Variants in NPAS3 observed in about 807,000 individuals in gnomAD.
NPAS3 encodes the protein neuronal PAS domain-containing protein 3.
Under a neutral mutation model 73.1 loss-of-function variants are expected in NPAS3, and 14 were observed. The ratio of observed to expected loss-of-function variants is 0.19; its 90% CI spans 0.13 to 0.30. NPAS3 has a LOEUF of 0.30. Among genes scored for constraint, NPAS3 ranks in the 10% least tolerant of loss-of-function variants. The pLI is 1.00. For synonymous variants in NPAS3, 620 were observed against 541.5 expected, an observed-to-expected ratio of 1.14 and a Z score of -2.01; for missense variants, 1,096 against 1,250.0, an observed-to-expected ratio of 0.88 and a Z score of 1.86.
intron 3 of NPAS3, among the ~76,000 whole-genome samples, chr14:33,324,170 G>A (rs17100653): frequency 0.018 from 2,717 of 152,204 alleles, 59 homozygotes; most frequent in African/African-American, 0.054. Context: ...GTCTGCCAGT[G>A]GAGCATTTGC....
At chr14:33,130,082 G>GT (rs1396091557) in intron 2 of NPAS3, among the ~76,000 whole-genome samples, 2 of 152,218 alleles carry the variant, frequency 1.3e-5, no homozygotes, top group African/African-American at 2.4e-5. Flanking sequence ...ATGTGTTAAC[G>GT]TTTTTTCTGG....
At chr14:33,434,729 A>G (rs540987378) in intron 4 of NPAS3, among the ~76,000 whole-genome samples, 10 of 152,362 alleles carry the variant, frequency 6.6e-5, no homozygotes, top group African/African-American at 2.2e-4. Flanking sequence ...ATGAGTTTTT[A>G]ACAGAAATAT....
At chr14:33,293,515 A>G (rs2042179933) in intron 3 of NPAS3, among the ~76,000 whole-genome samples, 1 of 152,204 alleles carries the variant, frequency 6.6e-6, no homozygotes, top group African/African-American at 2.4e-5. Flanking sequence ...AAAAGAGGGG[A>G]AAGAAAACAC....
intron 5 of NPAS3, among the ~76,000 whole-genome samples, chr14:33,600,461 G>A (rs1056318700): frequency 3.3e-5 from 5 of 152,018 alleles, no homozygotes; most frequent in Admixed American, 6.5e-5. Context: ...TCTGTGCTTG[G>A]CATAGATTTG....
intron 1 of NPAS3, among the ~76,000 whole-genome samples, chr14:33,022,521 TG>T (rs1566475274): frequency 6.6e-6 from 1 of 151,574 alleles, no homozygotes; most frequent in Non-Finnish European, 1.5e-5. Flanking sequence ...AAAAAGTAGC[TG>T]GGCGTGGTGG....
At chr14:33,730,776 A>C (rs2061378932) in intron 6 of NPAS3, among the ~76,000 whole-genome samples, 1 of 152,246 alleles carries the variant, frequency 6.6e-6, no homozygotes, top group South Asian at 2.1e-4. Context: ...CAAGGCTGAC[A>C]GCATATGCCA....
intron 1 of NPAS3, among the ~76,000 whole-genome samples, chr14:33,043,758 T>G (rs2040417254): frequency 2.0e-5 from 3 of 151,992 alleles, no homozygotes; most frequent in African/African-American, 7.2e-5. Flanking sequence ...CAATTCCAGT[T>G]AATAATCAGA....
At chr14:32,996,519 C>A (rs2139523723) in intron 1 of NPAS3, among the ~76,000 whole-genome samples, 1 of 152,256 alleles carries the variant, frequency 6.6e-6, no homozygotes, top group South Asian at 2.1e-4. Flanking sequence ...GTGAGCCGGG[C>A]CCCGGGTCCC....
intron 1 of NPAS3, among the ~76,000 whole-genome samples, chr14:32,981,395 C>A (rs909329240): frequency 6.6e-6 from 1 of 152,140 alleles, no homozygotes; most frequent in East Asian, 1.9e-4. Flanking sequence ...AGACAGTGAT[C>A]TTTGAGTCCA....
At chr14:33,683,691 C>G (rs1273915826) in intron 6 of NPAS3, among the ~76,000 whole-genome samples, 3 of 152,210 alleles carry the variant, frequency 2.0e-5, no homozygotes, top group Non-Finnish European at 2.9e-5. Context: ...AGAGGCAGAA[C>G]TGGCTGGAAA....
At chr14:33,803,475 G>A (rs2063761267), downstream of NPAS3, 1 of 152,204 alleles carries the variant, frequency 6.6e-6, no homozygotes, top group South Asian at 2.1e-4. Flanking sequence ...AAGGATTTAA[G>A]TAGGTTTAGG....
intron 4 of NPAS3, among the ~76,000 whole-genome samples, chr14:33,417,696 C>A (rs1594871069): frequency 6.6e-6 from 1 of 151,888 alleles, no homozygotes; most frequent in Admixed American, 6.6e-5. Context: ...AAAATAGCAT[C>A]TGCCTTATTC....
chr14:33,646,325 C>T (rs144963650), intron 5 of NPAS3, among the ~76,000 whole-genome samples: 6 of 152,258 alleles, frequency 3.9e-5, no homozygotes, highest in African/African-American at 1.2e-4. Context: ...TAATCCATTA[C>T]ACTTAGCTTA....
chr14:33,542,838 C>CAG (rs1350227184), intron 4 of NPAS3, among the ~76,000 whole-genome samples: 3 of 152,186 alleles, frequency 2.0e-5, no homozygotes, highest in Non-Finnish European at 4.4e-5. Flanking sequence ...GATACTCTCA[C>CAG]AGACACTGTG....
intron 5 of NPAS3, among the ~76,000 whole-genome samples, chr14:33,589,623 G>A (rs113995370): frequency 0.011 from 1,652 of 152,122 alleles, 30 homozygotes; most frequent in African/African-American, 0.037. Context: ...ACATCTCATC[G>A]CTCCTTCCAC....
At chr14:32,941,003 C>G (rs1279234052) in intron 1 of NPAS3, among the ~76,000 whole-genome samples, 1 of 152,128 alleles carries the variant, frequency 6.6e-6, no homozygotes, top group African/African-American at 2.4e-5. Context: ...GAAAATCTGA[C>G]AACTCATACA....
chr14:33,299,488 C>G (rs1016632940), intron 3 of NPAS3, among the ~76,000 whole-genome samples: 1 of 152,280 alleles, frequency 6.6e-6, no homozygotes, highest in Admixed American at 6.5e-5. Flanking sequence ...CTGAGCTTGA[C>G]TTGAAGCCCA....
chr14:33,398,658 T>C (rs1169932673), intron 4 of NPAS3, among the ~76,000 whole-genome samples: 3 of 152,112 alleles, frequency 2.0e-5, no homozygotes, highest in African/African-American at 7.2e-5. Flanking sequence ...TAAAGATATG[T>C]GACATAAGTC....
intron 9 of NPAS3, among the ~76,000 whole-genome samples, chr14:33,783,589 G>A (rs989781896): frequency 1.3e-5 from 2 of 148,230 alleles, no homozygotes; most frequent in East Asian, 2.1e-4. Flanking sequence ...TAGTTTTTTG[G>A]GGGGGTGGTG....
Sources: gnomAD v4.1 joint callset for allele counts (sites outside exome capture counted in the v4.1 genomes callset) on GRCh38, gnomAD v4.1.1 for gene constraint, MANE v1.5 for transcripts, NCBI Gene and HGNC (gene_info 2026-07-23, HGNC 2026-07-21) for gene names.